The following TLE2 variants were observed in gnomAD, a reference collection of about 807,000 sequenced individuals.
The protein encoded by TLE2 is TLE family member 2, transcriptional corepressor.
In TLE2, 74 loss-of-function variants were observed where a neutral mutation model predicts 97.2. The observed-to-expected ratio is 0.76, with a 90% CI of 0.63 to 0.92. The LOEUF is 0.92. TLE2 is among the 40% of genes least tolerant of loss of function. The probability of loss-of-function intolerance (pLI) is 0.00; values close to 1 mark genes in which losing one functional copy is unlikely to be tolerated. For synonymous variants in TLE2, 499 were observed against 432.1 expected, an observed-to-expected ratio of 1.15 and a Z score of -1.92; for missense variants, 1,038 against 1,008.7, an observed-to-expected ratio of 1.03 and a Z score of -0.39.
Position 3,019,869 on chromosome 19 carries a change from T to C in TLE2, c.295-96A>G. The C allele has an allele frequency of 6.9e-7, 1 of 1,453,026 alleles. No homozygotes were observed. The highest frequency in any genetic ancestry group is 2.1e-5 in the Admixed American group (1 of 48,706). 90.0% of individuals were successfully genotyped at this position (1,453,026 alleles called of 1,614,324 possible). A position where few individuals can be genotyped will look rare whatever the true frequency, so the allele number is the denominator to read the frequency against. The stretch of plus-strand genomic sequence containing the variant: ...CTGACCTCTCCCCGCCACCCTCTCA[T>C]CTTTGCCCCGGTACTTCCCATTTCT... On this transcript the variant is annotated intron_variant, in intron 5 of 19. Coordinates refer to ENST00000262953, the MANE Select transcript of TLE2 (RefSeq NM_003260.5). This position sits in a 1 kb window ranked among gnomAD's most constrained non-coding sequence, Gnocchi z 5.1.
At chr19:3,022,202 C>T (rs1312308969) in intron 5 of TLE2, among the ~76,000 whole-genome samples, 1 of 151,988 alleles carries the variant, frequency 6.6e-6, no homozygotes, top group African/African-American at 2.4e-5. Flanking sequence ...GCACCTGCCA[C>T]CACACCCAGC....
Position 3,011,105 on chromosome 19 carries a change from T to A in TLE2, c.929A>T (p.Gln310Leu), listed in dbSNP as rs2089586688. ...GCTGGGCCCGGGGGTGGAAGCGTCC[T>A]GGGGCGGGGAGGAGTCACAGGATTT... ...ASKSCDSSPP[Q>L]DASTPGPSSA... Residue 310 changes from glutamine to leucine, a missense_variant, in exon 12 of 20, where the codon CAG becomes CTG. Coordinates refer to ENST00000262953, the MANE Select transcript of TLE2 (RefSeq NM_003260.5). The A allele has an allele frequency of 1.2e-6, 2 of 1,611,026 alleles. No individual in the cohort carries two copies. Among genetic ancestry groups the A allele is most frequent in the Non-Finnish European group, 1.7e-6 (2 of 1,179,122 alleles).
upstream of TLE2, among the ~76,000 whole-genome samples, chr19:3,029,861 A>G (rs1441320124): frequency 6.6e-6 from 1 of 152,114 alleles, no homozygotes; most frequent in Non-Finnish European, 1.5e-5. Context: ...CAGTGGGGCA[A>G]TCATGGCTCA....
intron 7 of TLE2, among the ~76,000 whole-genome samples, chr19:3,018,820 G>A (rs568307362): frequency 1.3e-5 from 2 of 151,720 alleles, no homozygotes; most frequent in Admixed American, 6.6e-5. Context: ...GTTTTCCCAT[G>A]TTGGCCAGGC....
intron 1 of TLE2, among the ~76,000 whole-genome samples, chr19:3,034,680 C>T (rs546593312): frequency 2.0e-5 from 3 of 150,514 alleles, no homozygotes; most frequent in South Asian, 4.2e-4. Context: ...CTTCTCCATA[C>T]GCGCGTACAC....
chr19:3,013,687 T>G lies in TLE2; in HGVS notation c.855A>C (p.Arg285Ser). Residue 285 changes from arginine to serine, a missense_variant, in exon 11 of 20, where the codon AGA (arginine) becomes AGC (serine). By Grantham distance (110) the Arg-to-Ser change is moderately radical. Coordinates refer to ENST00000262953, the MANE Select transcript of TLE2 (RefSeq NM_003260.5). Reference protein sequence around the residue: ...LASSLGSPLPRAKELILNDLP... With the variant: ...LASSLGSPLPSAKELILNDLP... ...TCCTTACCAGGATGAGCTCCTTGGC[T>G]CTAGGCAGCGGTGAGCCAAGGCTAG... is the stretch of plus-strand genomic sequence containing the variant. 1 of 1,443,022 alleles carries G rather than the reference T, an allele frequency of 6.9e-7. No homozygotes were observed. 89.4% of individuals were successfully genotyped at this position (1,443,022 alleles called of 1,614,324 possible).
intron 18 of TLE2, among the ~76,000 whole-genome samples, chr19:3,001,168 G>C (rs2089349246): frequency 6.6e-6 from 1 of 151,980 alleles, no homozygotes; most frequent in South Asian, 2.1e-4. Flanking sequence ...AGCTACTTGG[G>C]AGGCTGAGGC....
At chr19:3,040,430 T>A (rs1014235911) in intron 1 of TLE2, among the ~76,000 whole-genome samples, 6 of 151,008 alleles carry the variant, frequency 4.0e-5, no homozygotes, top group Non-Finnish European at 8.8e-5. Context: ...AACCTCCACC[T>A]CCCGGGTTCA....
rs1363307712 is a variant in TLE2 at position 3,000,827 on chromosome 19, T to TA, written c.2048-105_2048-104insT. The TA allele has an allele frequency of 1.9e-4, 122 of 626,138 alleles. No homozygotes were observed. In the African/African-American group the frequency reaches 2.1e-3, roughly 11 times the overall value. 38.8% of individuals were successfully genotyped at this position (626,138 alleles called of 1,614,324 possible). On this transcript the variant is annotated intron_variant, in intron 18 of 19. Transcript: ENST00000262953. ...TGGGTCTGGGTCTGGCCTCTCCCTT[T>TA]TTTTTTTTTTTTTTCCAAGAAAGGG...
chr19:3,029,565 G>GGGT, upstream of TLE2: 4 of 742,548 alleles, frequency 5.4e-6, no homozygotes, highest in Non-Finnish European at 6.6e-6. Context: ...GAGCGGGGGG[G>GGGT]GGGGCTTGCG....
At chr19:3,029,461 C>T (rs1387251137), upstream of TLE2, 7 of 976,400 alleles carry the variant, frequency 7.2e-6, no homozygotes, top group Non-Finnish European at 8.5e-6. Context: ...GGTGGGGAGG[C>T]GCCCAGTGCC....
chr19:2,998,677 TG>T (rs2089281815), intron 19 of TLE2, among the ~76,000 whole-genome samples: 1 of 152,056 alleles, frequency 6.6e-6, no homozygotes, highest in Non-Finnish European at 1.5e-5. Flanking sequence ...CCTCCCAAAG[TG>T]CTGGGATTAC....
At position 3,028,604 on chromosome 19, in the gene TLE2, C is replaced by T. The variant is rs60331094; in HGVS notation, c.122+102G>A. The T allele has an allele frequency of 8.7e-6, 12 of 1,385,202 alleles. No individual in the cohort carries two copies. In the South Asian group the frequency reaches 1.3e-4, roughly 15 times the overall value. The allele number at this position is 1,385,202 out of a possible 1,614,324, so 85.8% of individuals were successfully genotyped here. A position where few individuals can be genotyped will look rare whatever the true frequency, so the allele number is the denominator to read the frequency against. ...ACCTGGAGGCCTTTGTCGCGCCCCCCCTCCAACCGGGAGCCCCTCCTCCCC... is the reference window on the plus strand; with the variant it reads ...ACCTGGAGGCCTTTGTCGCGCCCCCTCTCCAACCGGGAGCCCCTCCTCCCC... On this transcript the variant is annotated intron_variant, in intron 2 of 19. Coordinates refer to ENST00000262953, the MANE Select transcript of TLE2 (RefSeq NM_003260.5).
In TLE2 at chr19:3,005,957, G is replaced by C. The variant is rs2089465708; in HGVS notation, c.1512C>G (p.Asn504Lys). The stretch of plus-strand genomic sequence containing the variant: ...GCAGCAACTTGCAGGAACGAATGTA[G>C]TTGTCTCGGTTCTGGGGTCGGGGAG... ...VAQLDCLNRDNYIRSCKLLPD... is the reference protein window; with the variant it reads ...VAQLDCLNRDKYIRSCKLLPD... Residue 504 changes from asparagine (N) to lysine (K), a missense_variant, in exon 16 of 20, where the codon AAC becomes AAG. Coordinates refer to ENST00000262953, the MANE Select transcript of TLE2 (RefSeq NM_003260.5). 6.2e-7 allele frequency: 1 copy of C among 1,610,308 alleles called. No homozygotes were observed. Among genetic ancestry groups the C allele is most frequent in the Admixed American group, 1.7e-5 (1 of 59,916 alleles).
chr19:3,025,670 G>T, intron 4 of TLE2: 2 of 949,088 alleles, frequency 2.1e-6, no homozygotes, highest in Non-Finnish European at 2.5e-6. Flanking sequence ...GAGAAGGCGT[G>T]TGGGTGGGGA....
At chr19:3,021,201 T>A (rs958607673) in intron 5 of TLE2, among the ~76,000 whole-genome samples, 6 of 149,068 alleles carry the variant, frequency 4.0e-5, no homozygotes, top group Non-Finnish European at 7.4e-5. Flanking sequence ...GATCAGGAGT[T>A]CGAGACCAAC....
At chr19:3,009,508 C>G in intron 13 of TLE2, 34 bp downstream of exon 13, 1 of 1,559,800 alleles carries the variant, frequency 6.4e-7, no homozygotes, top group Non-Finnish European at 8.7e-7. Flanking sequence ...CTGGGCCCTG[C>G]TGACACCTCC....
intron 15 of TLE2, 74 bp from the exon 16 acceptor site, chr19:3,006,042 G>A (rs1290436292): frequency 1.3e-6 from 2 of 1,554,728 alleles, no homozygotes; most frequent in African/African-American, 1.4e-5. Context: ...CTCAACGTGG[G>A]GGTCTCTGGA....
At chr19:3,013,617 G>A (rs1040415109) in intron 11 of TLE2, 52 bp downstream of exon 11, 7 of 1,324,448 alleles carry the variant, frequency 5.3e-6, no homozygotes, top group African/African-American at 1.5e-5. Context: ...CGTCTGCTTC[G>A]GGGCCCCCGG....
Sources: gnomAD v4.1 joint callset for allele counts (sites outside exome capture counted in the v4.1 genomes callset) on GRCh38, gnomAD v4.1.1 for gene constraint, Gnocchi (gnomAD v3.1) non-coding constraint, MANE v1.5 for transcripts, NCBI Gene and HGNC (gene_info 2026-07-23, HGNC 2026-07-21) for gene names.